The following ERG variants were observed in gnomAD, a reference collection of about 807,000 sequenced individuals.
ERG encodes the protein ETS transcription factor ERG, also known as transcriptional regulator ERG.
Under a neutral mutation model 55.3 loss-of-function variants are expected in ERG, and 9 were observed. The observed-to-expected ratio is 0.16, with a 90% CI of 0.10 to 0.28. The LOEUF (loss-of-function observed/expected upper bound fraction) is 0.28. Among genes scored for constraint, ERG ranks in the 10% least tolerant of loss-of-function variants. The pLI is 1.00. For missense variants in ERG, 434 were observed against 631.6 expected, an observed-to-expected ratio of 0.69 and a Z score of 3.35; for synonymous variants, 223 against 237.3, an observed-to-expected ratio of 0.94 and a Z score of 0.55.
chr21:38,630,036 T>C (rs972459379), intron 1 of ERG, among the ~76,000 whole-genome samples: 2 of 152,120 alleles, frequency 1.3e-5, no homozygotes, highest in African/African-American at 2.4e-5. Context: ...TCCACTTACA[T>C]GAGCTACCTA....
chr21:38,454,676 T>C (rs932627059), intron 1 of ERG, among the ~76,000 whole-genome samples: 1 of 152,204 alleles, frequency 6.6e-6, no homozygotes, highest in Non-Finnish European at 1.5e-5. Flanking sequence ...AGAAGGGTGA[T>C]GTGACTGACT....
chr21:38,505,681 C>T (rs975793782), intron 2 of ERG, among the ~76,000 whole-genome samples: 13 of 152,152 alleles, frequency 8.5e-5, no homozygotes, highest in African/African-American at 1.9e-4. Context: ...TTTCCCACTG[C>T]GCGGTTGCCT....
chr21:38,655,585 TTG>T (rs2060514046), intron 1 of ERG, among the ~76,000 whole-genome samples: 1 of 152,180 alleles, frequency 6.6e-6, no homozygotes, highest in African/African-American at 2.4e-5. Flanking sequence ...AACAAATTAA[TTG>T]TGTGTGAGGG....
intron 2 of ERG, among the ~76,000 whole-genome samples, chr21:38,433,847 CAG>C (rs978640054): frequency 6.6e-6 from 1 of 152,188 alleles, no homozygotes; most frequent in African/African-American, 2.4e-5. Context: ...TTCTTTGAGT[CAG>C]TGGAGGCAAA....
At chr21:38,391,540 A>G in intron 8 of ERG, 119 bp downstream of exon 8, 1 of 811,162 alleles carries the variant, frequency 1.2e-6, no homozygotes, top group Non-Finnish European at 2.0e-6. Context: ...TTATGTATGG[A>G]GCTGTCGAAA....
At chr21:38,615,225 G>A (rs2060251473) in intron 1 of ERG, among the ~76,000 whole-genome samples, 1 of 152,104 alleles carries the variant, frequency 6.6e-6, no homozygotes, top group Non-Finnish European at 1.5e-5. Flanking sequence ...AATTAAACTG[G>A]CAATACCAGT....
At chr21:38,547,574 T>C (rs1021601752) in intron 2 of ERG, among the ~76,000 whole-genome samples, 1 of 152,232 alleles carries the variant, frequency 6.6e-6, no homozygotes, top group African/African-American at 2.4e-5. Flanking sequence ...GACTCGATCA[T>C]AGGCAAGGGC....
In ERG at chr21:38,465,560, G is replaced by A. The variant is rs192553160; in HGVS notation, c.19-19939C>T. ...CTAATGTAAACTACAGGCACTGGGT[G>A]ATAATGACCTGTCAATATAGGTTCA... On this transcript the variant is annotated intron_variant, in intron 1 of 9. Coordinates refer to ENST00000288319, the MANE Select transcript of ERG (RefSeq NM_182918.4). Among the ~76,000 whole-genome samples, 207 of 152,292 alleles carry A rather than the reference G, an allele frequency of 1.4e-3. 1 individual carries two copies. The highest frequency in any genetic ancestry group is 0.012 in the East Asian group (63 of 5,182).
intron 1 of ERG, among the ~76,000 whole-genome samples, chr21:38,620,292 T>A (rs924611268): frequency 6.7e-6 from 1 of 149,076 alleles, no homozygotes; most frequent in African/African-American, 2.5e-5. Flanking sequence ...AGAAAGGCGA[T>A]GACTTATTCT....
chr21:38,657,122 A>C (rs1171553154), intron 1 of ERG, among the ~76,000 whole-genome samples: 1 of 6,070 alleles, frequency 1.6e-4, no homozygotes, highest in Non-Finnish European at 2.9e-4. Context: ...GGATAATAAC[A>C]AAAAAAAAGA....
rs73444324 is a variant in ERG at position 38,629,382 on chromosome 21, T to C, written c.-150+32276A>G. ...CAACCAAAGCAGCAGGGCAGTGTAT[T>C]AGTTAAAATCCATTTTAGTTGCAAG... On this transcript the variant is annotated intron_variant, in intron 1 of 10. Transcript: ENST00000398910. Among the ~76,000 whole-genome samples, 377 of 152,338 alleles carry C rather than the reference T, an allele frequency of 2.5e-3. 2 individuals are homozygous for C. The highest frequency in any genetic ancestry group is 8.3e-3 in the African/African-American group (346 of 41,576).
intron 2 of ERG, among the ~76,000 whole-genome samples, chr21:38,536,648 G>C (rs2059712881): frequency 6.6e-6 from 1 of 152,182 alleles, no homozygotes; most frequent in Admixed American, 6.5e-5. Flanking sequence ...GCATGTTGAA[G>C]GGAAGAATGA....
intron 1 of ERG, among the ~76,000 whole-genome samples, chr21:38,582,026 G>C (rs1375183620): frequency 7.9e-6 from 1 of 127,140 alleles, no homozygotes; most frequent in Non-Finnish European, 1.6e-5. Flanking sequence ...CTGGGCAACA[G>C]AGCGAGACTC....
the ERG span, among the ~76,000 whole-genome samples, chr21:38,369,634 T>C: frequency 6.6e-6 from 1 of 152,230 alleles, no homozygotes; most frequent in Non-Finnish European, 1.5e-5. Context: ...TTAGATCCTA[T>C]TTGTCAATTT....
the ERG span, among the ~76,000 whole-genome samples, chr21:38,373,358 T>C: frequency 6.6e-6 from 1 of 152,238 alleles, no homozygotes; most frequent in South Asian, 2.1e-4. Flanking sequence ...AGAAGTTCAA[T>C]TTAAACTACT....
chr21:38,442,067 G>GTT (rs2058846457), intron 2 of ERG, among the ~76,000 whole-genome samples: 1 of 152,190 alleles, frequency 6.6e-6, no homozygotes, highest in Non-Finnish European at 1.5e-5. Context: ...AGAATTCTAT[G>GTT]AGCCCTGAGA....
chr21:38,621,754 G>A (rs571365938), intron 1 of ERG, among the ~76,000 whole-genome samples: 1 of 152,152 alleles, frequency 6.6e-6, no homozygotes, highest in Admixed American at 6.5e-5. Flanking sequence ...GCCTAAGAGA[G>A]TTCCAGATGG....
At chr21:38,611,577 C>T (rs1358463738) in intron 1 of ERG, among the ~76,000 whole-genome samples, 1 of 152,174 alleles carries the variant, frequency 6.6e-6, no homozygotes, top group African/African-American at 2.4e-5. Context: ...CCTTCGCCTC[C>T]CACAGGCCCT....
Position 38,427,232 on chromosome 21 carries a change from G to A in ERG, c.237-3671C>T, listed in dbSNP as rs532081066. 1.4e-4 allele frequency among the ~76,000 whole-genome samples: 21 copies of A among 151,754 alleles called. No homozygotes were observed. In the East Asian group the frequency reaches 3.9e-3, roughly 29 times the overall value. The stretch of plus-strand genomic sequence containing the variant: ...TGGCATTACAGGCGCCTGCCACCAC[G>A]CCTGGCTGATTTTTGTATTTTTAGT... On this transcript the variant is annotated intron_variant, in intron 2 of 9. Transcript: ENST00000288319.
Sources: allele counts gnomAD v4.1 joint callset (sites outside exome capture counted in the v4.1 genomes callset), GRCh38; gene constraint gnomAD v4.1.1; transcripts MANE v1.5; gene names NCBI Gene and HGNC (gene_info 2026-07-23, HGNC 2026-07-21).